The following PEBP4 variants were observed in gnomAD, a reference collection of about 807,000 sequenced individuals.
PEBP4 encodes phosphatidylethanolamine-binding protein 4.
Under a neutral mutation model 23.9 loss-of-function variants are expected in PEBP4, and 22 were observed. The observed-to-expected ratio is 0.92, with a 90% CI of 0.66 to 1.31. PEBP4 has a LOEUF of 1.31. Among genes scored for constraint, PEBP4 ranks in the 40% most tolerant of loss-of-function variants. The pLI is 0.00. For synonymous variants in PEBP4, 112 were observed against 99.3 expected, an observed-to-expected ratio of 1.13 and a Z score of -0.76; for missense variants, 324 against 281.7, an observed-to-expected ratio of 1.15 and a Z score of -1.07.
Position 22,772,650 on chromosome 8 carries a change from A to G in PEBP4, c.357+44987T>C, listed in dbSNP as rs193295127. Among the ~76,000 whole-genome samples, 64 of 152,076 alleles carry G rather than the reference A, an allele frequency of 4.2e-4. 1 individual carries two copies. Among genetic ancestry groups the G allele is most frequent in the African/African-American group, 1.5e-3 (61 of 41,506 alleles). ...TAGGTATTCTTATGTACATTTTCCA[A>G]ATGAGGAAACCAGCAGTCAGAGAGA... On this transcript the variant is annotated intron_variant, in intron 4 of 6. Coordinates refer to ENST00000256404, the MANE Select transcript of PEBP4 (RefSeq NM_144962.3).
intron 3 of PEBP4, among the ~76,000 whole-genome samples, chr8:22,831,807 A>G (rs1394757249): frequency 1.3e-5 from 2 of 152,216 alleles, no homozygotes; most frequent in African/African-American, 4.8e-5. Context: ...GAAGCAGCAC[A>G]TCCACAGGCA....
chr8:22,729,943 G>T (rs1305618591), intron 4 of PEBP4, among the ~76,000 whole-genome samples: 1 of 152,180 alleles, frequency 6.6e-6, no homozygotes, highest in African/African-American at 2.4e-5. Context: ...CCTGGTAGGG[G>T]CTTTAGGAAA....
intron 3 of PEBP4, among the ~76,000 whole-genome samples, chr8:22,910,100 C>A (rs149695241): frequency 6.6e-6 from 1 of 152,350 alleles, no homozygotes; most frequent in African/African-American, 2.4e-5. Context: ...AGCCCAGCTG[C>A]ACTCTCCTGC....
At chr8:22,830,300 T>TTTTG (rs1554489776) in intron 3 of PEBP4, among the ~76,000 whole-genome samples, 1 of 148,590 alleles carries the variant, frequency 6.7e-6, no homozygotes, top group Non-Finnish European at 1.5e-5. Flanking sequence ...TGGCTAATTT[T>TTTTG]TGTGTGTGTG....
At chr8:22,735,080 G>A (rs1221607409) in intron 4 of PEBP4, among the ~76,000 whole-genome samples, 1 of 152,226 alleles carries the variant, frequency 6.6e-6, no homozygotes, top group African/African-American at 2.4e-5. Context: ...CCTGAGGAAT[G>A]GTAGCTGGTG....
At chr8:22,874,425 G>C (rs1383391685) in intron 3 of PEBP4, among the ~76,000 whole-genome samples, 4 of 152,168 alleles carry the variant, frequency 2.6e-5, no homozygotes, top group African/African-American at 9.7e-5. Flanking sequence ...TCTCAGTTCA[G>C]TTAACTGCAT....
chr8:22,872,920 G>A lies in PEBP4; in HGVS notation c.258+47264C>T, dbSNP rs569257273. Among the ~76,000 whole-genome samples, 11 of 152,060 alleles carry A rather than the reference G, an allele frequency of 7.2e-5. No homozygotes were observed. The East Asian group carries it at 1.2e-3, about 16-fold the overall frequency. ...TCGAACTCCTGATGTCAGGTGATCCGCCCGCCTCGGCCTCCCAAACTGCTG... is the reference window on the plus strand; with the variant it reads ...TCGAACTCCTGATGTCAGGTGATCCACCCGCCTCGGCCTCCCAAACTGCTG... On this transcript the variant is annotated intron_variant, in intron 3 of 6. Transcript: ENST00000256404.
At chr8:22,854,926 ATGTGTGTGTG>A (rs113480248) in intron 3 of PEBP4, among the ~76,000 whole-genome samples, 22 of 133,216 alleles carry the variant, frequency 1.7e-4, no homozygotes, top group Admixed American at 5.0e-4. Flanking sequence ...TGAGATTAGA[ATGTGTGTGTG>A]TGTGTGTGTG....
intron 4 of PEBP4, among the ~76,000 whole-genome samples, chr8:22,761,204 G>T (rs1304694596): frequency 6.6e-6 from 1 of 152,200 alleles, no homozygotes; most frequent in African/African-American, 2.4e-5. Flanking sequence ...ACATCTTGCA[G>T]GTGGGCCTGC....
At chr8:22,765,978 C>T (rs184923897) in intron 4 of PEBP4, among the ~76,000 whole-genome samples, 84 of 152,374 alleles carry the variant, frequency 5.5e-4, no homozygotes, top group Non-Finnish European at 9.7e-4. Context: ...TAAGACCAAG[C>T]GAGGAAACAT....
intron 4 of PEBP4, among the ~76,000 whole-genome samples, chr8:22,816,430 C>T (rs550367214): frequency 7.2e-5 from 11 of 152,216 alleles, no homozygotes; most frequent in African/African-American, 2.2e-4. Context: ...CCAGTGGCTG[C>T]GAAAACCCTG....
intron 3 of PEBP4, among the ~76,000 whole-genome samples, chr8:22,873,277 C>A (rs1808047879): frequency 6.6e-6 from 1 of 152,120 alleles, no homozygotes; most frequent in Non-Finnish European, 1.5e-5. Flanking sequence ...GAAAAGATGT[C>A]TTAGGAGACA....
chr8:22,782,491 T>C (rs1805945309), intron 4 of PEBP4, among the ~76,000 whole-genome samples: 1 of 152,182 alleles, frequency 6.6e-6, no homozygotes, highest in African/African-American at 2.4e-5. Flanking sequence ...TTCAGGGAAC[T>C]GACATTTTTA....
At chr8:22,940,443 A>T (rs1435247582) in intron 1 of PEBP4, among the ~76,000 whole-genome samples, 1 of 151,634 alleles carries the variant, frequency 6.6e-6, no homozygotes, top group African/African-American at 2.4e-5. Context: ...TGCTCAAATC[A>T]CGCTAGAGTG....
At chr8:22,896,562 A>G (rs1267896980) in intron 3 of PEBP4, among the ~76,000 whole-genome samples, 4 of 152,148 alleles carry the variant, frequency 2.6e-5, no homozygotes, top group African/African-American at 4.8e-5. Context: ...GGCTCTGGGT[A>G]TCTGGAGAAC....
At chr8:22,893,686 G>A (rs967417791) in intron 3 of PEBP4, among the ~76,000 whole-genome samples, 1 of 151,904 alleles carries the variant, frequency 6.6e-6, no homozygotes, top group African/African-American at 2.4e-5. Flanking sequence ...TTAACAGAAG[G>A]TTAACTATAC....
At chr8:22,757,925 G>A (rs1403307843) in intron 4 of PEBP4, 1 of 152,252 alleles carries the variant, frequency 6.6e-6, no homozygotes, top group Non-Finnish European at 1.5e-5. Context: ...CTGGCCGGAT[G>A]CCCTGGGGGC....
chr8:22,822,354 A>AGAGTGTGTGTGTGT lies in PEBP4; in HGVS notation c.259-4620_259-4619insACACACACACACTC, dbSNP rs140574605. 2.0e-5 allele frequency among the ~76,000 whole-genome samples: 3 copies of AGAGTGTGTGTGTGT among 147,856 alleles called. No individual in the cohort carries two copies. The South Asian group carries it at 6.4e-4, about 32-fold the overall frequency. On this transcript the variant is annotated intron_variant, in intron 3 of 6. Transcript: ENST00000256404. Reference sequence around the variant, plus strand: ...GGTGAAAAGAAGGAATATATACTAAAGTGTGTGTGTGTGTGTGTGTGTGTA... The same window carrying AGAGTGTGTGTGTGT: ...GGTGAAAAGAAGGAATATATACTAAAGAGTGTGTGTGTGTGTGTGTGTGTGTGTGTGTGTGTGTA...
intron 5 of PEBP4, 44 bp from the exon 6 acceptor site, chr8:22,725,000 C>G (rs1200378399): frequency 1.3e-6 from 2 of 1,519,572 alleles, no homozygotes; most frequent in South Asian, 2.2e-5. Context: ...ACATCCCATA[C>G]TACCGAGGGC....
Sources: allele counts gnomAD v4.1 joint callset (sites outside exome capture counted in the v4.1 genomes callset), GRCh38; gene constraint gnomAD v4.1.1; transcripts MANE v1.5; gene names NCBI Gene and HGNC (gene_info 2026-07-23, HGNC 2026-07-21).